The following GALNT18 variants were observed in gnomAD, a reference collection of about 807,000 sequenced individuals.
The protein encoded by GALNT18 is GalNAc-transferase 18.
A neutral mutation model predicts 69.5 loss-of-function variants in GALNT18; 44 were observed. The observed-to-expected ratio is 0.63, with a 90% confidence interval of 0.50 to 0.81. The LOEUF (loss-of-function observed/expected upper bound fraction) is 0.81, where lower values mean the gene tolerates loss of function less well. Among genes scored for constraint, GALNT18 ranks in the 40% least tolerant of loss-of-function variants. The pLI, the probability that GALNT18 is intolerant of heterozygous loss-of-function variation, is 0.00. For missense variants in GALNT18, 715 were observed against 810.0 expected (o/e 0.88, Z 1.42); for synonymous variants, 364 against 318.2 (o/e 1.14, Z -1.53).
intron 1 of GALNT18, among the ~76,000 whole-genome samples, chr11:11,467,590 G>A (rs973477380): frequency 7.2e-5 from 11 of 152,264 alleles, no homozygotes; most frequent in Admixed American, 3.3e-4. Flanking sequence ...ACGCCCACAC[G>A]CTCATGCATT....
At chr11:11,548,946 T>A (rs1438569381) in intron 1 of GALNT18, among the ~76,000 whole-genome samples, 2 of 152,230 alleles carry the variant, frequency 1.3e-5, no homozygotes, top group Non-Finnish European at 2.9e-5. Context: ...AGGCTACTAG[T>A]TAGAACACTC....
chr11:11,621,661 C>T lies in GALNT18; in HGVS notation c.-68G>A. ...TTGTCGTGCGCCCCGAACTCCCCCGCGCTCGCACCCCGTAGCACGTCCGGA... is the reference window on the plus strand; with the variant it reads ...TTGTCGTGCGCCCCGAACTCCCCCGTGCTCGCACCCCGTAGCACGTCCGGA... On this transcript the variant is annotated 5_prime_UTR_variant, in exon 1 of 11. Transcript: ENST00000227756. This position sits in a 1 kb window ranked among gnomAD's most constrained non-coding sequence, Gnocchi z 9.3. 1 of 1,221,912 alleles carries T rather than the reference C, an allele frequency of 8.2e-7. No individual in the cohort carries two copies. The highest frequency in any genetic ancestry group is 1.2e-6 in the Non-Finnish European group (1 of 859,900). 75.7% of individuals were successfully genotyped at this position (1,221,912 alleles called of 1,614,324 possible).
At chr11:11,460,942 C>T (rs1193528267) in intron 1 of GALNT18, among the ~76,000 whole-genome samples, 1 of 152,180 alleles carries the variant, frequency 6.6e-6, no homozygotes, top group Non-Finnish European at 1.5e-5. Flanking sequence ...CAGATTAAGA[C>T]AGCCAGGGAT....
At chr11:11,336,494 A>G (rs774805871) in intron 7 of GALNT18, among the ~76,000 whole-genome samples, 3 of 152,172 alleles carry the variant, frequency 2.0e-5, no homozygotes, top group Non-Finnish European at 4.4e-5. Flanking sequence ...CCAAGCACTG[A>G]TCAAAGTCTT....
chr11:11,341,102 GCCC>G lies in GALNT18; in HGVS notation c.1093-101_1093-99del. ...CTTGACATGAGCAGGAAGAAAGTCAGCCCCTTCACCTTGACTCCCCAGATCACT... is the reference window on the plus strand; with the variant it reads ...CTTGACATGAGCAGGAAGAAAGTCAGCTTCACCTTGACTCCCCAGATCACT... On this transcript the variant is annotated intron_variant, in intron 6 of 10. Coordinates refer to ENST00000227756, the MANE Select transcript of GALNT18 (RefSeq NM_198516.3). The surrounding 1 kb of genome is among the most constrained non-coding windows in gnomAD (Gnocchi z 6.3). 2.5e-6 allele frequency: 3 copies of G among 1,182,028 alleles called. No individual in the cohort carries two copies. The highest frequency in any genetic ancestry group is 3.6e-6 in the Non-Finnish European group (3 of 841,368). The allele number at this position is 1,182,028 out of a possible 1,614,324, so 73.2% of individuals were successfully genotyped here.
intron 1 of GALNT18, among the ~76,000 whole-genome samples, chr11:11,452,764 A>G (rs1302823313): frequency 6.6e-6 from 1 of 152,092 alleles, no homozygotes; most frequent in African/African-American, 2.4e-5. Context: ...AGACCCTCTG[A>G]TGTCTGGCAT....
rs2133969560 is a variant in GALNT18 at position 11,614,788 on chromosome 11, AATTCTCCTTGAG to A, written c.235+6559_235+6570del. ...TGGCTCTCTGACACTTTTCATTCTG[AATTCTCCTTGAG>A]ATTCTCCACCAACCTACTTATCAAG... On this transcript the variant is annotated intron_variant, in intron 1 of 10. Transcript: ENST00000227756. The surrounding 1 kb of genome is among the most constrained non-coding windows in gnomAD (Gnocchi z 5.6). Among the ~76,000 whole-genome samples, 1 of 152,330 alleles carries A rather than the reference AATTCTCCTTGAG, an allele frequency of 6.6e-6. No individual in the cohort carries two copies. Among genetic ancestry groups the A allele is most frequent in the East Asian group, 1.9e-4 (1 of 5,190 alleles).
chr11:11,294,686 G>C (rs1381805184), intron 9 of GALNT18, among the ~76,000 whole-genome samples: 1 of 151,964 alleles, frequency 6.6e-6, no homozygotes, highest in African/African-American at 2.4e-5. Flanking sequence ...TCTCCCATGG[G>C]CTGTAGTTTG....
Position 11,620,951 on chromosome 11 carries a change from A to G in GALNT18, c.235+408T>C, listed in dbSNP as rs544156502. Among the ~76,000 whole-genome samples, 1 of 148,272 alleles carries G rather than the reference A, an allele frequency of 6.7e-6. No homozygotes were observed. The highest frequency in any genetic ancestry group is 2.2e-4 in the South Asian group (1 of 4,634). Reference sequence around the variant, plus strand: ...CTCGCCTGACGCCTACAGTGGCCAAAAAAGCTCGTTTGCCCGCGCGTTCCC... The same window carrying G: ...CTCGCCTGACGCCTACAGTGGCCAAGAAAGCTCGTTTGCCCGCGCGTTCCC... On this transcript the variant is annotated intron_variant, in intron 1 of 10. Coordinates refer to ENST00000227756, the MANE Select transcript of GALNT18 (RefSeq NM_198516.3). The surrounding 1 kb of genome is among the most constrained non-coding windows in gnomAD (Gnocchi z 6.9).
At chr11:11,597,443 A>T (rs1279551322) in intron 1 of GALNT18, among the ~76,000 whole-genome samples, 1 of 152,142 alleles carries the variant, frequency 6.6e-6, no homozygotes, top group East Asian at 1.9e-4. Flanking sequence ...AGAATTTTTT[A>T]AATCACTAAT....
At chr11:11,456,590 G>A (rs1440703493) in intron 1 of GALNT18, among the ~76,000 whole-genome samples, 2 of 152,168 alleles carry the variant, frequency 1.3e-5, no homozygotes, top group African/African-American at 4.8e-5. Flanking sequence ...CCAAGATCCT[G>A]CTCTAGGCTG....
intron 3 of GALNT18, among the ~76,000 whole-genome samples, chr11:11,379,659 G>A (rs1853862634): frequency 6.6e-6 from 1 of 152,166 alleles, no homozygotes; most frequent in African/African-American, 2.4e-5. Flanking sequence ...GCCATCATCA[G>A]CACGGCTACC....
At position 11,564,588 on chromosome 11, in the gene GALNT18, G is replaced by T. The variant is rs975645427; in HGVS notation, c.235+56771C>A. ...GAAAACTGTCAGAGCTCATCAGCAC[G>T]GTGGCAATGCAGGCAGCCCCCAATT... On this transcript the variant is annotated intron_variant, in intron 1 of 10. Coordinates refer to ENST00000227756, the MANE Select transcript of GALNT18 (RefSeq NM_198516.3). The surrounding 1 kb of genome is among the most constrained non-coding windows in gnomAD (Gnocchi z 4.3). 2.0e-5 allele frequency among the ~76,000 whole-genome samples: 3 copies of T among 152,176 alleles called. No homozygotes were observed. Among genetic ancestry groups the T allele is most frequent in the African/African-American group, 7.2e-5 (3 of 41,442 alleles).
intron 3 of GALNT18, among the ~76,000 whole-genome samples, chr11:11,427,486 C>T (rs1464600594): frequency 5.3e-5 from 8 of 152,114 alleles, no homozygotes; most frequent in Admixed American, 2.6e-4. Context: ...GAAGACATTC[C>T]GACGGCTCTG....
rs558791377 is a variant in GALNT18, at chr11:11,619,439, C to G, written c.235+1920G>C. On this transcript the variant is annotated intron_variant, in intron 1 of 10. Coordinates refer to ENST00000227756, the MANE Select transcript of GALNT18 (RefSeq NM_198516.3). This position sits in a 1 kb window ranked among gnomAD's most constrained non-coding sequence, Gnocchi z 4.9. The stretch of plus-strand genomic sequence containing the variant: ...AACATCATGCTTTTCCATGTGGAAC[C>G]TTAGAAATCATGTGACATGGTCCAC... 2.2e-4 allele frequency among the ~76,000 whole-genome samples: 33 copies of G among 152,200 alleles called. No homozygotes were observed. Among genetic ancestry groups the G allele is most frequent in the African/African-American group, 7.9e-4 (33 of 41,510 alleles).
chr11:11,407,205 G>A (rs1854608552), intron 3 of GALNT18, among the ~76,000 whole-genome samples: 1 of 152,232 alleles, frequency 6.6e-6, no homozygotes, highest in African/African-American at 2.4e-5. Flanking sequence ...AGGAGTGCCT[G>A]AGGATGGCTG....
chr11:11,477,063 C>T (rs1856417212), intron 1 of GALNT18, among the ~76,000 whole-genome samples: 1 of 152,192 alleles, frequency 6.6e-6, no homozygotes, highest in Non-Finnish European at 1.5e-5. Flanking sequence ...AGTGGAACCA[C>T]CTACAGAATA....
rs79979147 is a variant in GALNT18, at chr11:11,315,424, C to G, written c.1512+11662G>C. On this transcript the variant is annotated intron_variant, in intron 9 of 10. Coordinates refer to ENST00000227756, the MANE Select transcript of GALNT18 (RefSeq NM_198516.3). This position sits in a 1 kb window ranked among gnomAD's most constrained non-coding sequence, Gnocchi z 5.6. ...ACGTTCCTGAGCTCTGGAACACAGG[C>G]AAGGATACGTTAGGCATGGGTCTTC... 2.1e-3 allele frequency among the ~76,000 whole-genome samples: 317 copies of G among 152,248 alleles called. 4 individuals carry two copies. Among genetic ancestry groups the G allele is most frequent in the African/African-American group, 7.3e-3 (303 of 41,544 alleles).
At chr11:11,518,609 G>A (rs1002232231) in intron 1 of GALNT18, among the ~76,000 whole-genome samples, 4 of 152,196 alleles carry the variant, frequency 2.6e-5, no homozygotes, top group African/African-American at 9.7e-5. Context: ...GTTGCTCTTG[G>A]TCTTCCCAAA....
Sources: allele counts gnomAD v4.1 joint callset (sites outside exome capture counted in the v4.1 genomes callset), GRCh38; gene constraint gnomAD v4.1.1; non-coding constraint Gnocchi (gnomAD v3.1); transcripts MANE v1.5; gene names NCBI Gene and HGNC (gene_info 2026-07-23, HGNC 2026-07-21).